RAB38: variants seen among roughly 807,000 people sequenced by gnomAD.
RAB38 encodes RAB38, member RAS oncogene family.
Under a neutral mutation model 18.4 loss-of-function variants are expected in RAB38, and 15 were observed. The ratio of observed to expected loss-of-function variants is 0.82; its 90% CI spans 0.55 to 1.26. RAB38 has a LOEUF of 1.26. RAB38 is among the 50% of genes most tolerant of loss of function. The probability of loss-of-function intolerance (pLI) is 0.00; values close to 1 mark genes in which losing one functional copy is unlikely to be tolerated. For missense variants in RAB38, 294 were observed against 267.4 expected, an observed-to-expected ratio of 1.10 and a Z score of -0.69; for synonymous variants, 101 against 104.4, an observed-to-expected ratio of 0.97 and a Z score of 0.20.
the RAB38 span, among the ~76,000 whole-genome samples, chr11:87,858,692 G>C: frequency 6.6e-6 from 1 of 152,062 alleles, no homozygotes; most frequent in South Asian, 2.1e-4. Flanking sequence ...GAATTTACAA[G>C]GGATATATAG....
intron 2 of RAB38, among the ~76,000 whole-genome samples, chr11:88,134,952 C>T (rs772392459): frequency 9.9e-5 from 15 of 152,222 alleles, no homozygotes; most frequent in Non-Finnish European, 1.6e-4. Flanking sequence ...TCTGCTCCAT[C>T]TTCACTGGCT....
At chr11:87,813,707 G>GT in the RAB38 span, among the ~76,000 whole-genome samples, 53 of 152,096 alleles carry the variant, frequency 3.5e-4, no homozygotes, top group Non-Finnish European at 5.1e-4. Context: ...TTCAGCTGGA[G>GT]TTTTTTTACA....
the RAB38 span, among the ~76,000 whole-genome samples, chr11:87,968,540 G>C: frequency 7.3e-5 from 11 of 151,512 alleles, no homozygotes; most frequent in Middle Eastern, 3.2e-3. Flanking sequence ...TGGTGAGTCA[G>C]CTTCAAGTGT....
the RAB38 span, among the ~76,000 whole-genome samples, chr11:87,863,184 C>A: frequency 6.6e-6 from 1 of 151,736 alleles, no homozygotes; most frequent in African/African-American, 2.4e-5. Context: ...GATCTGAATT[C>A]AAATATCAGT....
At chr11:88,077,221 CA>C in the RAB38 span, among the ~76,000 whole-genome samples, 1 of 151,436 alleles carries the variant, frequency 6.6e-6, no homozygotes, top group African/African-American at 2.4e-5. Flanking sequence ...ACAATATGAC[CA>C]AATGCACTTT....
the RAB38 span, among the ~76,000 whole-genome samples, chr11:87,909,582 T>C: frequency 2.6e-5 from 4 of 152,066 alleles, no homozygotes; most frequent in Non-Finnish European, 5.9e-5. Flanking sequence ...TCAAAATCAA[T>C]ATAATAAACA....
At chr11:88,025,336 G>T in the RAB38 span, among the ~76,000 whole-genome samples, 1 of 151,702 alleles carries the variant, frequency 6.6e-6, no homozygotes, top group Non-Finnish European at 1.5e-5. Flanking sequence ...GTACAGCGAT[G>T]AACACATGAG....
chr11:88,049,711 A>G, the RAB38 span, among the ~76,000 whole-genome samples: 5 of 152,138 alleles, frequency 3.3e-5, no homozygotes, highest in Non-Finnish European at 7.4e-5. Flanking sequence ...TTGCTCCGTG[A>G]GAAAGATCCA....
the RAB38 span, among the ~76,000 whole-genome samples, chr11:87,854,488 T>C: frequency 3.2e-4 from 48 of 152,264 alleles, no homozygotes; most frequent in African/African-American, 1.2e-3. Context: ...TCTTAACACA[T>C]AAAGATTTAG....
At chr11:88,029,350 A>T in the RAB38 span, among the ~76,000 whole-genome samples, 115,320 of 150,022 alleles carry the variant, frequency 0.77, 44,864 homozygotes, top group African/African-American at 0.88. Flanking sequence ...GCTAACATCA[A>T]AATGACAGGA....
chr11:88,085,827 T>TAAAA, the RAB38 span, among the ~76,000 whole-genome samples: 1 of 151,926 alleles, frequency 6.6e-6, no homozygotes, highest in Non-Finnish European at 1.5e-5. Flanking sequence ...TATAACTCTT[T>TAAAA]ACAAACAAAC....
the RAB38 span, among the ~76,000 whole-genome samples, chr11:88,036,225 A>C: frequency 5.3e-5 from 8 of 152,136 alleles, no homozygotes; most frequent in African/African-American, 1.7e-4. Context: ...AAAATGTTTC[A>C]AGGTCACTTT....
At chr11:87,829,436 G>A in the RAB38 span, among the ~76,000 whole-genome samples, 1 of 152,168 alleles carries the variant, frequency 6.6e-6, no homozygotes, top group East Asian at 1.9e-4. Flanking sequence ...CCCATGGCTG[G>A]AGAGGGCTCA....
intron 1 of RAB38, among the ~76,000 whole-genome samples, chr11:88,169,159 A>G (rs781243085): frequency 8.5e-5 from 13 of 152,202 alleles, no homozygotes; most frequent in Non-Finnish European, 1.6e-4. Context: ...CTGGTGACAT[A>G]TGAGGGTCAA....
chr11:87,861,752 G>A, the RAB38 span, among the ~76,000 whole-genome samples: 1 of 151,756 alleles, frequency 6.6e-6, no homozygotes, highest in Non-Finnish European at 1.5e-5. Flanking sequence ...AAATTTCAAT[G>A]GGAAATCATT....
the RAB38 span, among the ~76,000 whole-genome samples, chr11:87,969,986 CAAGT>C: frequency 6.6e-6 from 1 of 151,988 alleles, no homozygotes; most frequent in African/African-American, 2.4e-5. Context: ...TCCAAATAAA[CAAGT>C]AAGTCAGGTT....
At chr11:88,155,279 TGAGG>T (rs1331184582) in intron 1 of RAB38, among the ~76,000 whole-genome samples, 1 of 152,208 alleles carries the variant, frequency 6.6e-6, no homozygotes, top group East Asian at 1.9e-4. Context: ...GCCCATTGCC[TGAGG>T]CAACAGAGAG....
the RAB38 span, among the ~76,000 whole-genome samples, chr11:87,850,046 C>T: frequency 6.6e-6 from 1 of 152,090 alleles, no homozygotes; most frequent in Admixed American, 6.6e-5. Flanking sequence ...GGGCACTTCA[C>T]TATAAGTACA....
At chr11:87,842,225 T>G in the RAB38 span, among the ~76,000 whole-genome samples, 2 of 152,138 alleles carry the variant, frequency 1.3e-5, no homozygotes, top group African/African-American at 4.8e-5. Flanking sequence ...GAAGATGACA[T>G]GGAAGGCCAC....
Sources: gnomAD v4.1 joint callset for allele counts (sites outside exome capture counted in the v4.1 genomes callset) on GRCh38, gnomAD v4.1.1 for gene constraint, MANE v1.5 for transcripts, NCBI Gene and HGNC (gene_info 2026-07-23, HGNC 2026-07-21) for gene names.